Variants in TRPM4 observed in about 807,000 individuals in gnomAD.
TRPM4 encodes transient receptor potential cation channel subfamily M member 4.
A neutral mutation model predicts 135.6 loss-of-function variants in TRPM4; 124 were observed. That is an observed-to-expected ratio of 0.91 (90% CI 0.79 to 1.06). TRPM4 has a LOEUF of 1.06. Among genes scored for constraint, TRPM4 ranks in the 50% least tolerant of loss-of-function variants. The pLI is 0.00. For missense variants in TRPM4, 1,658 were observed against 1,671.4 expected (o/e 0.99, Z 0.14); for synonymous variants, 745 against 705.6 (o/e 1.06, Z -0.88).
At chr19:49,196,231 G>A (rs1023951953) in intron 16 of TRPM4, among the ~76,000 whole-genome samples, 1 of 152,240 alleles carries the variant, frequency 6.6e-6, no homozygotes, top group East Asian at 1.9e-4. Flanking sequence ...CCAACTCCTC[G>A]GCTCAAGCGA....
intron 2 of TRPM4, among the ~76,000 whole-genome samples, chr19:49,161,669 A>C (rs1463372580): frequency 7.1e-6 from 1 of 140,960 alleles, no homozygotes. Flanking sequence ...TCGCTCTATC[A>C]CCCAGGCTGG....
At chr19:49,166,287 G>A in intron 3 of TRPM4, 72 bp downstream of exon 3, 1 of 1,471,194 alleles carries the variant, frequency 6.8e-7, no homozygotes, top group Non-Finnish European at 9.1e-7. Context: ...AGTGGAGCCG[G>A]GACGCCCGCC....
chr19:49,199,089 CTA>C (rs1331802249), intron 17 of TRPM4, among the ~76,000 whole-genome samples: 1 of 151,948 alleles, frequency 6.6e-6, no homozygotes, highest in Non-Finnish European at 1.5e-5. Flanking sequence ...TACTTTCACT[CTA>C]AAATGTAGCT....
intron 3 of TRPM4, chr19:49,167,527 T>C (rs111169067): frequency 0.13 from 11,369 of 85,018 alleles, 386 homozygotes; most frequent in South Asian, 0.17. Flanking sequence ...CTCTGGGTCT[T>C]TGTCCCCGTC....
At chr19:49,208,237 G>A (rs1969220327) in intron 20 of TRPM4, among the ~76,000 whole-genome samples, 1 of 152,152 alleles carries the variant, frequency 6.6e-6, no homozygotes, top group African/African-American at 2.4e-5. Context: ...CAGCATCACA[G>A]GGAGACGGTT....
chr19:49,165,036 C>T (rs747846902), intron 2 of TRPM4, among the ~76,000 whole-genome samples: 12 of 152,144 alleles, frequency 7.9e-5, no homozygotes, highest in Non-Finnish European at 1.5e-4. Flanking sequence ...AGCCATCATA[C>T]CCGACCCTAC....
At position 49,171,345 on chromosome 19, in the gene TRPM4, T is replaced by G; in HGVS notation, c.797-12T>G. 1 of 1,614,188 alleles carries G rather than the reference T, an allele frequency of 6.2e-7. No individual in the cohort carries two copies. Among genetic ancestry groups the G allele is most frequent in the Non-Finnish European group, 8.5e-7 (1 of 1,180,032 alleles). ...TGGGAGGTAATCAAGCCCCCTTCTC[T>G]TCTTGCCTCAGGGACTGGAATTGAC... On this transcript the variant is annotated splice_polypyrimidine_tract_variant and intron_variant, in intron 6 of 24. Transcript: ENST00000252826. The surrounding 1 kb of genome is among the most constrained non-coding windows in gnomAD (Gnocchi z 4.7).
In TRPM4 at chr19:49,211,567, G is replaced by A; in HGVS notation, c.*69G>A. 1 of 1,605,852 alleles carries A rather than the reference G, an allele frequency of 6.2e-7. No homozygotes were observed. The highest frequency in any genetic ancestry group is 8.5e-7 in the Non-Finnish European group (1 of 1,173,680). On this transcript the variant is annotated 3_prime_UTR_variant, in exon 25 of 25. Transcript: ENST00000252826. This position sits in a 1 kb window ranked among gnomAD's most constrained non-coding sequence, Gnocchi z 4.8. Reference sequence around the variant, plus strand: ...TGCTCCTAGAGTAAGGCTCATCTGGGCCTCGGCCCCCGCACCTGGTGGCCT... The same window carrying A: ...TGCTCCTAGAGTAAGGCTCATCTGGACCTCGGCCCCCGCACCTGGTGGCCT...
intron 2 of TRPM4, among the ~76,000 whole-genome samples, chr19:49,165,530 C>G (rs1287578460): frequency 1.3e-5 from 2 of 152,120 alleles, no homozygotes; most frequent in Admixed American, 1.3e-4. Context: ...GGCGTTCTTT[C>G]CCTGGCTCCT....
chr19:49,182,717 C>T lies in TRPM4; in HGVS notation c.1403C>T (p.Pro468Leu), dbSNP rs1439812732. Residue 468 changes from proline to leucine, a missense_variant, in exon 11 of 25, where the codon CCC becomes CTC. Physicochemically the swap from Pro to Leu is moderately conservative, Grantham distance 98. This residue lies in a region of TRPM4 where 1,412 missense variants were observed against 1,408.7 expected (regional missense o/e 1.00). Transcript: ENST00000252826. ...CTGGCCCAACTCTACAGCGCGGCGCCCTCCAACTCGCTCATCCGCAACCTT... is the reference window on the plus strand; with the variant it reads ...CTGGCCCAACTCTACAGCGCGGCGCTCTCCAACTCGCTCATCCGCAACCTT... ...MRLAQLYSAA[P>L]SNSLIRNLLD... The T allele has an allele frequency of 6.2e-7, 1 of 1,614,190 alleles. No homozygotes were observed. The highest frequency in any genetic ancestry group is 2.2e-5 in the East Asian group (1 of 44,872).
At position 49,166,202 on chromosome 19, in the gene TRPM4, G is replaced by T. The variant is rs771687834; in HGVS notation, c.254G>T (p.Arg85Leu). 2 of 1,604,054 alleles carry T rather than the reference G, an allele frequency of 1.2e-6. No individual in the cohort carries two copies. Among genetic ancestry groups the T allele is most frequent in the South Asian group, 1.1e-5 (1 of 89,230 alleles). Reference sequence around the variant, plus strand: ...GAGCTGGACTTCACGGGGGCCGGCCGCAAGCACAGCAATGTGAGGCGGGCC... The same window carrying T: ...GAGCTGGACTTCACGGGGGCCGGCCTCAAGCACAGCAATGTGAGGCGGGCC... ...YGELDFTGAG[R>L]KHSNFLRLSD... Residue 85 changes from arginine (R) to leucine (L), a missense_variant, in exon 3 of 25, where the codon CGC becomes CTC. This residue lies in a region of TRPM4 where 239 missense variants were observed against 240.1 expected (regional missense o/e 1.00). Coordinates refer to ENST00000252826, the MANE Select transcript of TRPM4 (RefSeq NM_017636.4).
chr19:49,165,034 T>C (rs993142371), intron 2 of TRPM4, among the ~76,000 whole-genome samples: 4 of 152,142 alleles, frequency 2.6e-5, no homozygotes, highest in African/African-American at 7.2e-5. Context: ...TGAGCCATCA[T>C]ACCCGACCCT....
chr19:49,203,430 T>C (rs371310783), intron 20 of TRPM4, among the ~76,000 whole-genome samples: 44 of 152,286 alleles, frequency 2.9e-4, no homozygotes, highest in East Asian at 1.2e-3. Context: ...CCGCCCGCCT[T>C]GGCCTCCCAG....
rs145448650 is a variant in TRPM4, at chr19:49,200,239, A to T, written c.2646-61A>T. The T allele has an allele frequency of 3.2e-4, 520 of 1,613,420 alleles. 5 individuals carry two copies. The Admixed American group carries it at 7.8e-3, about 24-fold the overall frequency. ...TCCTCTGAAGGATGGCATTGGGAAG[A>T]CTTCCATTTTCCTTGGCGTCTTGTG... On this transcript the variant is annotated intron_variant, in intron 17 of 24. Coordinates refer to ENST00000252826, the MANE Select transcript of TRPM4 (RefSeq NM_017636.4).
At chr19:49,172,453 T>A (rs1967499343) in intron 9 of TRPM4, among the ~76,000 whole-genome samples, 1 of 152,166 alleles carries the variant, frequency 6.6e-6, no homozygotes, top group African/African-American at 2.4e-5. Flanking sequence ...CATCCACACA[T>A]CCACTGACAA....
intron 3 of TRPM4, among the ~76,000 whole-genome samples, chr19:49,166,854 C>T (rs1233859985): frequency 6.7e-6 from 1 of 148,740 alleles, no homozygotes; most frequent in Non-Finnish European, 1.5e-5. Context: ...CTTCCTCTCT[C>T]TGGGTCTGTT....
intron 16 of TRPM4, among the ~76,000 whole-genome samples, chr19:49,193,365 GC>G (rs1968487295): frequency 6.6e-6 from 1 of 152,172 alleles, no homozygotes; most frequent in Non-Finnish European, 1.5e-5. Context: ...ACAAGCATGA[GC>G]CACCGCACCC....
In TRPM4 at chr19:49,190,253, C is replaced by T; in HGVS notation, c.2065C>T (p.Pro689Ser). Residue 689 changes from proline to serine, a missense_variant, in exon 15 of 25, where the codon CCC becomes TCC. This residue lies in a region of TRPM4 where 1,412 missense variants were observed against 1,408.7 expected (regional missense o/e 1.00). Coordinates refer to ENST00000252826, the MANE Select transcript of TRPM4 (RefSeq NM_017636.4). ...KWWGDMASTT[P>S]IWALVLAFFC... ...GTGGGGAGATATGGCCAGCACTACA[C>T]CCATCTGGGCCCTGGTTCTCGCCTT... is the stretch of plus-strand genomic sequence containing the variant. 6.2e-7 allele frequency: 1 copy of T among 1,614,208 alleles called. No homozygotes were observed. Among genetic ancestry groups the T allele is most frequent in the Non-Finnish European group, 8.5e-7 (1 of 1,180,038 alleles).
rs2041539295 is a variant in TRPM4 at position 49,157,820 on chromosome 19, G to C, written c.-47G>C. On this transcript the variant is annotated 5_prime_UTR_variant, in exon 1 of 25. Transcript: ENST00000252826. ...GGTCTGGAAGCAGAGCCGGCGGAGG[G>C]AGCGCCGGGGCCCTGGGCTGCAGGA... is the stretch of plus-strand genomic sequence containing the variant. The C allele has an allele frequency of 6.5e-7, 1 of 1,533,386 alleles. No individual in the cohort carries two copies. The highest frequency in any genetic ancestry group is 1.2e-5 in the South Asian group (1 of 83,888). The allele number at this position is 1,533,386 out of a possible 1,614,324, so 95.0% of individuals were successfully genotyped here.
Sources: gnomAD v4.1 joint callset for allele counts (sites outside exome capture counted in the v4.1 genomes callset) on GRCh38, gnomAD v4.1.1 for gene constraint, gnomAD v4.1.1 regional missense constraint, Gnocchi (gnomAD v3.1) non-coding constraint, MANE v1.5 for transcripts, NCBI Gene and HGNC (gene_info 2026-07-23, HGNC 2026-07-21) for gene names.